Variants in AFG2A observed in about 807,000 individuals in gnomAD.
AFG2A encodes AAA ATPase AFG2A.
the AFG2A span, chr4:122,934,105 AT>A: frequency 6.3e-7 from 1 of 1,590,658 alleles, no homozygotes; most frequent in Non-Finnish European, 8.6e-7. Flanking sequence ...AGATGGCAAG[AT>A]TGTTTTACCA....
the AFG2A span, among the ~76,000 whole-genome samples, chr4:123,307,396 A>T: frequency 2.1e-4 from 32 of 152,266 alleles, no homozygotes; most frequent in Middle Eastern, 3.4e-3. Flanking sequence ...ACACAAACAC[A>T]CAAACACACA....
At chr4:123,038,163 C>A in the AFG2A span, among the ~76,000 whole-genome samples, 1 of 152,056 alleles carries the variant, frequency 6.6e-6, no homozygotes, top group Non-Finnish European at 1.5e-5. Context: ...AGACTTGTAT[C>A]CCAGTTCTGC....
At chr4:123,177,826 A>G in the AFG2A span, among the ~76,000 whole-genome samples, 4 of 152,094 alleles carry the variant, frequency 2.6e-5, no homozygotes, top group East Asian at 1.9e-4. Flanking sequence ...ATTGAGCCGC[A>G]TGGCCGCATA....
chr4:123,246,041 G>A, the AFG2A span, among the ~76,000 whole-genome samples: 1 of 152,288 alleles, frequency 6.6e-6, no homozygotes, highest in African/African-American at 2.4e-5. Flanking sequence ...TGTTTAAAAA[G>A]CATGTCCACC....
the AFG2A span, among the ~76,000 whole-genome samples, chr4:123,078,359 A>G: frequency 4.6e-5 from 7 of 152,170 alleles, no homozygotes; most frequent in Admixed American, 4.6e-4. Context: ...GGAATAAAAG[A>G]CTGTACATAT....
the AFG2A span, among the ~76,000 whole-genome samples, chr4:123,261,913 C>G: frequency 6.6e-6 from 1 of 151,982 alleles, no homozygotes; most frequent in African/African-American, 2.4e-5. Context: ...CTGAGTAGCT[C>G]AGAATAGAGG....
the AFG2A span, among the ~76,000 whole-genome samples, chr4:122,949,221 C>T: frequency 6.6e-6 from 1 of 152,182 alleles, no homozygotes; most frequent in Non-Finnish European, 1.5e-5. Flanking sequence ...AAGAAGGGTG[C>T]ATGACACACT....
chr4:123,132,251 G>T, the AFG2A span, among the ~76,000 whole-genome samples: 1 of 152,074 alleles, frequency 6.6e-6, no homozygotes. Flanking sequence ...TATTCATCTT[G>T]TGGCTGAGGG....
chr4:123,152,283 C>T, the AFG2A span, among the ~76,000 whole-genome samples: 10 of 151,984 alleles, frequency 6.6e-5, no homozygotes, highest in African/African-American at 1.9e-4. Flanking sequence ...CACACGTATC[C>T]CAGAACTTAA....
At chr4:122,971,193 G>A in the AFG2A span, among the ~76,000 whole-genome samples, 10 of 152,288 alleles carry the variant, frequency 6.6e-5, no homozygotes, top group Admixed American at 5.9e-4. Flanking sequence ...GATCCCTTAA[G>A]CCCAGGAGCT....
At chr4:123,011,625 C>T in the AFG2A span, among the ~76,000 whole-genome samples, 2 of 152,174 alleles carry the variant, frequency 1.3e-5, no homozygotes, top group African/African-American at 4.8e-5. Flanking sequence ...GTGCCATTTT[C>T]TGGCTATTTG....
the AFG2A span, among the ~76,000 whole-genome samples, chr4:123,098,953 A>G: frequency 6.6e-6 from 1 of 151,904 alleles, no homozygotes; most frequent in Non-Finnish European, 1.5e-5. Flanking sequence ...ATTTTCTCTA[A>G]TATCTGAAGT....
the AFG2A span, among the ~76,000 whole-genome samples, chr4:123,067,741 A>G: frequency 2.0e-5 from 3 of 152,194 alleles, no homozygotes; most frequent in African/African-American, 7.2e-5. Context: ...TAGAATCAGT[A>G]TAATAATTAC....
chr4:123,295,841 G>C, the AFG2A span, among the ~76,000 whole-genome samples: 4 of 152,314 alleles, frequency 2.6e-5, no homozygotes, highest in African/African-American at 9.6e-5. Context: ...GAGCCCAAGA[G>C]ATCAAGGCTG....
chr4:123,041,277 A>ATTTTTTTTTTTTTTTT, the AFG2A span, among the ~76,000 whole-genome samples: 2 of 118,178 alleles, frequency 1.7e-5, no homozygotes, highest in Non-Finnish European at 3.4e-5. Context: ...CGCCCAGCTA[A>ATTTTTTTTTTTTTTTT]TTTTTTTTTT....
chr4:123,034,180 A>C, the AFG2A span, among the ~76,000 whole-genome samples: 1 of 152,292 alleles, frequency 6.6e-6, no homozygotes, highest in Non-Finnish European at 1.5e-5. Flanking sequence ...AAACTCCCAA[A>C]TAAGGAGGGC....
chr4:123,188,585 G>C, the AFG2A span, among the ~76,000 whole-genome samples: 1 of 152,054 alleles, frequency 6.6e-6, no homozygotes, highest in Non-Finnish European at 1.5e-5. Context: ...CTACATTATT[G>C]CTTCAAATTT....
the AFG2A span, among the ~76,000 whole-genome samples, chr4:123,214,778 T>C: frequency 7.5e-6 from 1 of 133,102 alleles, no homozygotes; most frequent in African/African-American, 3.4e-5. Flanking sequence ...TTCCACTTAA[T>C]GAATAGTAAA....
chr4:123,116,874 G>A, the AFG2A span, among the ~76,000 whole-genome samples: 16 of 151,860 alleles, frequency 1.1e-4, no homozygotes, highest in Non-Finnish European at 2.1e-4. Context: ...ACTCTTTCAT[G>A]GACATGAAAT....
Sources: allele counts gnomAD v4.1 joint callset (sites outside exome capture counted in the v4.1 genomes callset), GRCh38; gene constraint gnomAD v4.1.1; transcripts MANE v1.5; gene names NCBI Gene and HGNC (gene_info 2026-07-23, HGNC 2026-07-21).